Variants in DHX38 observed in about 807,000 individuals in gnomAD.
DHX38 encodes DEAH-box helicase 38.
DHX38 carries 100 observed loss-of-function variants against 153.1 expected under a neutral mutation model. The observed-to-expected ratio is 0.65, with a 90% confidence interval of 0.56 to 0.77. The LOEUF is 0.77. Among genes scored for constraint, DHX38 ranks in the 30% least tolerant of loss-of-function variants. The pLI is 0.00. For missense variants in DHX38, 1,440 were observed against 1,654.0 expected (o/e 0.87, Z 2.24); for synonymous variants, 650 against 631.7 (o/e 1.03, Z -0.43).
chr16:72,100,362 G>C lies in DHX38; in HGVS notation c.1117-74G>C, dbSNP rs143787572. 261 of 1,541,406 alleles carry C rather than the reference G, an allele frequency of 1.7e-4. No homozygotes were observed. The African/African-American group carries it at 3.0e-3, about 17-fold the overall frequency. On this transcript the variant is annotated intron_variant, in intron 8 of 26. Transcript: ENST00000268482. ...GGCCTTCTGTCAGGACTTGATGTGT[G>C]GACTTACCTCATAACCTTTCAGGAC... is the stretch of plus-strand genomic sequence containing the variant.
chr16:72,100,331 A>G (rs2042083230), intron 8 of DHX38, 105 bp from the exon 9 acceptor site: 7 of 1,432,540 alleles, frequency 4.9e-6, no homozygotes, highest in African/African-American at 2.8e-5. Context: ...CTTTGCAGCT[A>G]CCAGTGGCCT....
At chr16:72,103,327 AC>A in intron 12 of DHX38, 116 bp downstream of exon 12, 1 of 1,401,486 alleles carries the variant, frequency 7.1e-7, no homozygotes, top group Non-Finnish European at 9.6e-7. Context: ...GAAGGGAAAT[AC>A]TTTTTTCCTC....
chr16:72,106,976 A>G (rs376753549), intron 19 of DHX38, among the ~76,000 whole-genome samples: 1 of 151,982 alleles, frequency 6.6e-6, no homozygotes, highest in Non-Finnish European at 1.5e-5. Context: ...TGAGACCACC[A>G]TGGCCAATAT....
rs112373820 is a variant in DHX38 at position 72,103,335 on chromosome 16, C to A, written c.1637+124C>A. 205 of 1,324,184 alleles carry A rather than the reference C, an allele frequency of 1.5e-4. 2 individuals carry two copies. Among genetic ancestry groups the A allele is most frequent in the Middle Eastern group, 8.1e-4 (3 of 3,690 alleles). 82.0% of individuals were successfully genotyped at this position (1,324,184 alleles called of 1,614,324 possible). A position where few individuals can be genotyped will look rare whatever the true frequency, so the allele number is the denominator to read the frequency against. On this transcript the variant is annotated intron_variant, in intron 12 of 26. Coordinates refer to ENST00000268482, the MANE Select transcript of DHX38 (RefSeq NM_014003.4). ...CAGTGGAGAAGGGAAATACTTTTTT[C>A]CTCTGACCTCATGCCTGGGGTACAC...
At position 72,105,094 on chromosome 16, in the gene DHX38, C is replaced by T. The variant is rs775427416; in HGVS notation, c.2219C>T (p.Pro740Leu). 1.9e-6 allele frequency: 3 copies of T among 1,614,214 alleles called. No homozygotes were observed. In the Admixed American group the frequency reaches 5.0e-5, roughly 27 times the overall value. Residue 740 changes from proline to leucine, a missense_variant, in exon 16 of 27, where the codon CCT (proline) becomes CTT (leucine). This residue lies in a region of DHX38 where 543 missense variants were observed against 717.9 expected (regional missense o/e 0.76). Transcript: ENST00000268482. ...TTGCAGGTGCACCTGTCGGGGGCCC[C>T]TGGAGACATCCTTATCTTCATGCCT... The part of the protein sequence containing the change: ...QSLQVHLSGA[P>L]GDILIFMPGQ...
chr16:72,109,287 C>T, intron 24 of DHX38, 128 bp from the exon 25 acceptor site: 1 of 1,062,156 alleles, frequency 9.4e-7, no homozygotes, highest in Admixed American at 2.9e-5. Context: ...TGGGGTTTTT[C>T]CTTTCCTTTT....
chr16:72,095,506 C>T lies in DHX38; in HGVS notation c.-19-633C>T, dbSNP rs960464486. Among the ~76,000 whole-genome samples, 10 of 151,972 alleles carry T rather than the reference C, an allele frequency of 6.6e-5. No individual in the cohort carries two copies. In the East Asian group the frequency reaches 1.9e-3, roughly 29 times the overall value. On this transcript the variant is annotated intron_variant, in intron 1 of 26. Coordinates refer to ENST00000268482, the MANE Select transcript of DHX38 (RefSeq NM_014003.4). ...TCATGTAAAAAAATGGGTGAGGGAC[C>T]AACAGTATATAGGAGGATAGCAAAT...
Position 72,107,093 on chromosome 16 carries a change from C to T in DHX38, c.2601-247C>T, listed in dbSNP as rs371944890. ...CTGAGGCAGGAGAATCGCTTAAATCCGGGAGGCAGAGGTTGGGCAACAGAG... is the reference window on the plus strand; with the variant it reads ...CTGAGGCAGGAGAATCGCTTAAATCTGGGAGGCAGAGGTTGGGCAACAGAG... On this transcript the variant is annotated intron_variant, in intron 19 of 26. Transcript: ENST00000268482. The surrounding 1 kb of genome is among the most constrained non-coding windows in gnomAD (Gnocchi z 5.3). 3.3e-5 allele frequency among the ~76,000 whole-genome samples: 5 copies of T among 151,912 alleles called. No individual in the cohort carries two copies. Among genetic ancestry groups the T allele is most frequent in the African/African-American group, 7.3e-5 (3 of 41,330 alleles).
At chr16:72,096,571 G>A in intron 2 of DHX38, 91 bp downstream of exon 2, 2 of 1,466,564 alleles carry the variant, frequency 1.4e-6, no homozygotes, top group Admixed American at 5.3e-5. Context: ...TCCTGTTGGA[G>A]ATTTAGAGCT....
Position 72,112,894 on chromosome 16 carries a change from T to TATTA in DHX38, c.*398_*401dup, listed in dbSNP as rs1318621558. 1.4e-6 allele frequency: 1 copy of TATTA among 695,020 alleles called. No individual in the cohort carries two copies. Among genetic ancestry groups the TATTA allele is most frequent in the Non-Finnish European group, 2.6e-6 (1 of 380,544 alleles). The allele number at this position is 695,020 out of a possible 1,614,324, so 43.1% of individuals were successfully genotyped here. ...ATAATTCAGGATTTGGAAATAAATTTATTATTTGTAAAACATGACTGCATG... is the reference window on the plus strand; with the variant it reads ...ATAATTCAGGATTTGGAAATAAATTTATTAATTATTTGTAAAACATGACTGCATG... On this transcript the variant is annotated 3_prime_UTR_variant, in exon 27 of 27. Coordinates refer to ENST00000268482, the MANE Select transcript of DHX38 (RefSeq NM_014003.4).
Position 72,101,110 on chromosome 16 carries a change from G to A in DHX38, c.1303G>A (p.Asp435Asn), listed in dbSNP as rs1467854623. The change falls in exon 10 of 27, where the codon GAT (aspartate) becomes AAT (asparagine). Residue 435 changes from aspartate (D) to asparagine (N), a missense_variant. Asp to Asn is a conservative substitution (Grantham distance 23). This residue lies in a region of DHX38 where 241 missense variants were observed against 229.5 expected (regional missense o/e 1.05). Coordinates refer to ENST00000268482, the MANE Select transcript of DHX38 (RefSeq NM_014003.4). ...GCCGGAGCCGGTGATTCCAGTGAAGGATGCTACTTCTGACCTGGCCATCAT... is the reference window on the plus strand; with the variant it reads ...GCCGGAGCCGGTGATTCCAGTGAAGAATGCTACTTCTGACCTGGCCATCAT... ...KQPEPVIPVK[D>N]ATSDLAIIAR... The A allele has an allele frequency of 6.2e-7, 1 of 1,614,232 alleles. No individual in the cohort carries two copies. Among genetic ancestry groups the A allele is most frequent in the Non-Finnish European group, 8.5e-7 (1 of 1,180,042 alleles).
intron 3 of DHX38, chr16:72,097,417 T>G (rs1014412579): frequency 8.4e-6 from 4 of 475,018 alleles, no homozygotes; most frequent in African/African-American, 7.7e-5. Context: ...AAAAAAATGA[T>G]TCACTGTAAA....
chr16:72,105,425 AG>A (rs1350331236), intron 17 of DHX38, 77 bp downstream of exon 17: 5 of 1,596,816 alleles, frequency 3.1e-6, no homozygotes, highest in African/African-American at 1.3e-5. Context: ...CTGTCCTGGC[AG>A]GGGGTGGGCT....
Position 72,104,453 on chromosome 16 carries a change from C to T in DHX38, c.2011-33C>T. The T allele has an allele frequency of 2.5e-6, 4 of 1,610,606 alleles. No individual in the cohort carries two copies. The highest frequency in any genetic ancestry group is 2.5e-6 in the Non-Finnish European group (3 of 1,179,656). On this transcript the variant is annotated intron_variant, in intron 14 of 26. Coordinates refer to ENST00000268482, the MANE Select transcript of DHX38 (RefSeq NM_014003.4). The surrounding 1 kb of genome is among the most constrained non-coding windows in gnomAD (Gnocchi z 4.5). ...GGGGGACAGGAGCCAAGGGTCCCCA[C>T]CATGGGGGCCTCCGAGCCGCCTCTT... is the stretch of plus-strand genomic sequence containing the variant.
At chr16:72,112,353 T>G in intron 26 of DHX38, 60 bp from the exon 27 acceptor site, 1 of 1,548,178 alleles carries the variant, frequency 6.5e-7, no homozygotes, top group Non-Finnish European at 8.8e-7. Flanking sequence ...TGCATCCTCC[T>G]GCCCTCCTGG....
At chr16:72,103,905 G>A (rs765364895) in intron 13 of DHX38, 41 bp from the exon 14 acceptor site, 1 of 1,609,654 alleles carries the variant, frequency 6.2e-7, no homozygotes, top group Non-Finnish European at 8.5e-7. Flanking sequence ...CTGGTGGTGA[G>A]CCGGTGGCCA....
chr16:72,105,425 A>T, intron 17 of DHX38, 77 bp downstream of exon 17: 2 of 1,596,820 alleles, frequency 1.3e-6, no homozygotes, highest in Non-Finnish European at 1.7e-6. Flanking sequence ...CTGTCCTGGC[A>T]GGGGGTGGGC....
rs139105138 is a variant in DHX38 at position 72,105,594 on chromosome 16, T to C, written c.2457T>C (p.Phe819=). ...CTCTCACTGTTGACGGCATCATGTT[T>C]GTTATCGATTCTGGTTATTGCAAAT... ...ETSLTVDGIM[F]VIDSGYCKLK... is the part of the protein sequence containing the mutation. Residue 819 remains phenylalanine, a synonymous_variant, in exon 18 of 27, where the codon TTT becomes TTC. Coordinates refer to ENST00000268482, the MANE Select transcript of DHX38 (RefSeq NM_014003.4). The C allele has an allele frequency of 7.2e-5, 117 of 1,614,210 alleles. No homozygotes were observed. The African/African-American group carries it at 1.4e-3, about 19-fold the overall frequency.
intron 9 of DHX38, 122 bp downstream of exon 9, chr16:72,100,719 C>G (rs768518390): frequency 5.0e-6 from 7 of 1,392,440 alleles, no homozygotes; most frequent in Non-Finnish European, 5.8e-6. Context: ...TCATTGGATA[C>G]CAGGAGTTCA....
Sources: gnomAD v4.1 joint callset for allele counts (sites outside exome capture counted in the v4.1 genomes callset) on GRCh38, gnomAD v4.1.1 for gene constraint, gnomAD v4.1.1 regional missense constraint, Gnocchi (gnomAD v3.1) non-coding constraint, MANE v1.5 for transcripts, NCBI Gene and HGNC (gene_info 2026-07-23, HGNC 2026-07-21) for gene names.